PCDHA5: variants seen among roughly 807,000 people sequenced by gnomAD.
PCDHA5 encodes the protein protocadherin alpha-5.
Under a neutral mutation model 61.6 loss-of-function variants are expected in PCDHA5, and 43 were observed. The ratio of observed to expected loss-of-function variants is 0.70; its 90% CI spans 0.55 to 0.90. PCDHA5 has a LOEUF of 0.90. Among genes scored for constraint, PCDHA5 ranks in the 40% least tolerant of loss-of-function variants. The pLI is 0.00. For synonymous variants in PCDHA5, 627 were observed against 543.9 expected (o/e 1.15, Z -2.13); for missense variants, 1,298 against 1,222.7 (o/e 1.06, Z -0.92).
chr5:140,843,875 G>A (rs1044145588), intron 1 of PCDHA5: 18 of 764,320 alleles, frequency 2.4e-5, no homozygotes, highest in Middle Eastern at 3.9e-4. Context: ...TTTCTCAGTG[G>A]CATAATACAG....
intron 1 of PCDHA5, chr5:140,876,084 A>G: frequency 6.2e-7 from 1 of 1,613,962 alleles, no homozygotes; most frequent in Non-Finnish European, 8.5e-7. Context: ...ACAGAGAGCA[A>G]ACGCCAAAAC....
At chr5:140,942,546 TA>T (rs1380022033) in intron 1 of PCDHA5, among the ~76,000 whole-genome samples, 4 of 150,044 alleles carry the variant, frequency 2.7e-5, no homozygotes, top group African/African-American at 9.8e-5. Flanking sequence ...TGGTGGGGGG[TA>T]GGGGGTTGAG....
intron 1 of PCDHA5, chr5:140,828,237 C>A (rs2150152822): frequency 1.2e-6 from 2 of 1,613,956 alleles, no homozygotes; most frequent in Admixed American, 3.3e-5. Context: ...GGCCGGATCG[C>A]GCAGGACCTG....
At chr5:140,943,237 C>T (rs1364015851) in intron 1 of PCDHA5, among the ~76,000 whole-genome samples, 1 of 121,190 alleles carries the variant, frequency 8.3e-6, no homozygotes, top group African/African-American at 3.3e-5. Flanking sequence ...CAGCCTGGGT[C>T]ACAGAGTGAG....
At chr5:140,995,510 G>A (rs1554254709) in intron 3 of PCDHA5, among the ~76,000 whole-genome samples, 1 of 152,142 alleles carries the variant, frequency 6.6e-6, no homozygotes, top group African/African-American at 2.4e-5. Flanking sequence ...GTGGGTAACT[G>A]AAGCCTCAGA....
At chr5:140,845,037 C>T (rs1189014695) in intron 1 of PCDHA5, among the ~76,000 whole-genome samples, 2 of 149,024 alleles carry the variant, frequency 1.3e-5, no homozygotes, top group Non-Finnish European at 3.0e-5. Flanking sequence ...ATATTTTAGC[C>T]CCCTTGTCCA....
chr5:140,925,647 A>AATAATAATC (rs1477954591), intron 1 of PCDHA5, among the ~76,000 whole-genome samples: 5 of 123,794 alleles, frequency 4.0e-5, no homozygotes, highest in Non-Finnish European at 7.0e-5. Flanking sequence ...AAAGTATAAT[A>AATAATAATC]ATAATAATAA....
intron 1 of PCDHA5, chr5:140,847,977 G>A (rs1781271032): frequency 6.4e-6 from 1 of 155,600 alleles, no homozygotes; most frequent in Non-Finnish European, 1.4e-5. Context: ...CGAGCCATAT[G>A]GGAGATTCTG....
chr5:140,932,493 T>C (rs148938081), intron 1 of PCDHA5, among the ~76,000 whole-genome samples: 1 of 151,888 alleles, frequency 6.6e-6, no homozygotes, highest in Non-Finnish European at 1.5e-5. Flanking sequence ...CTTTGCAATG[T>C]CATTTGTTAA....
chr5:140,829,848 G>T, intron 1 of PCDHA5: 1 of 1,613,962 alleles, frequency 6.2e-7, no homozygotes, highest in Non-Finnish European at 8.5e-7. Flanking sequence ...CGGTCACTGG[G>T]TGCAGGCCAA....
In PCDHA5 at chr5:140,862,815, G is replaced by C. The variant is rs781964079; in HGVS notation, c.2352+38688G>C. 7 of 574,804 alleles carry C rather than the reference G, an allele frequency of 1.2e-5. No individual in the cohort carries two copies. The African/African-American group carries it at 1.3e-4, about 11-fold the overall frequency. The allele number at this position is 574,804 out of a possible 1,614,324, so 35.6% of individuals were successfully genotyped here. A position where few individuals can be genotyped will look rare whatever the true frequency, so the allele number is the denominator to read the frequency against. ...AGGAGCTGGAGCTGCTGCAGTTCTA[G>C]GTGAGAGCGCGCGACGCGGGCATGC... is the stretch of plus-strand genomic sequence containing the variant. On this transcript the variant is annotated intron_variant, in intron 1 of 3. Coordinates refer to ENST00000529859, the MANE Select transcript of PCDHA5 (RefSeq NM_018908.3).
At position 140,822,842 on chromosome 5, in the gene PCDHA5, T is replaced by C. The variant is rs1554128917; in HGVS notation, c.1067T>C (p.Leu356Pro). 3 of 1,614,234 alleles carry C rather than the reference T, an allele frequency of 1.9e-6. No individual in the cohort carries two copies. The South Asian group carries it at 3.3e-5, about 18-fold the overall frequency. The change falls in exon 1 of 4, where the codon CTG becomes CCG. Residue 356 changes from leucine to proline, a missense_variant. Coordinates refer to ENST00000529859, the MANE Select transcript of PCDHA5 (RefSeq NM_018908.3). The stretch of plus-strand genomic sequence containing the variant: ...GAGATGGCCATAACCACCCTTTTCC[T>C]GCCTGTCAAAGAGGACGCTCCACTC... Reference protein sequence around the residue: ...TPEMAITTLFLPVKEDAPLST... With the variant: ...TPEMAITTLFPPVKEDAPLST...
intron 1 of PCDHA5, chr5:140,875,846 A>T: frequency 6.2e-7 from 1 of 1,614,176 alleles, no homozygotes. Context: ...GAGGTGAAGG[A>T]CATTAACGAC....
At position 140,856,169 on chromosome 5, in the gene PCDHA5, G is replaced by T. The variant is rs200441286; in HGVS notation, c.2352+32042G>T. ...CTCAGTCTACGAGGAGGCCAGACACGGCACCTTCGTGGGCCGCATCGCGCA... is the reference window on the plus strand; with the variant it reads ...CTCAGTCTACGAGGAGGCCAGACACTGCACCTTCGTGGGCCGCATCGCGCA... On this transcript the variant is annotated intron_variant, in intron 1 of 3. Transcript: ENST00000529859. 11 of 1,598,346 alleles carry T rather than the reference G, an allele frequency of 6.9e-6. 2 individuals are homozygous for T. Among genetic ancestry groups the T allele is most frequent in the Admixed American group, 1.7e-5 (1 of 59,282 alleles).
intron 1 of PCDHA5, among the ~76,000 whole-genome samples, chr5:140,839,198 C>A (rs1030704020): frequency 1.9e-5 from 2 of 106,890 alleles, no homozygotes; most frequent in African/African-American, 9.0e-5. Context: ...CTATAAATAT[C>A]TTTGACCTTC....
chr5:140,999,304 C>G (rs1587831145), intron 3 of PCDHA5, among the ~76,000 whole-genome samples: 2 of 152,190 alleles, frequency 1.3e-5, no homozygotes, highest in East Asian at 3.8e-4. Flanking sequence ...TTCAGAATTT[C>G]TTCATGACAG....
At chr5:140,882,407 C>A (rs368121978) in intron 1 of PCDHA5, 48 of 1,614,006 alleles carry the variant, frequency 3.0e-5, no homozygotes, top group Non-Finnish European at 1.3e-5. Flanking sequence ...CTTCGTGGGC[C>A]GCATCGCTCA....
At chr5:140,973,782 C>CT (rs1461331270) in intron 1 of PCDHA5, among the ~76,000 whole-genome samples, 7 of 152,208 alleles carry the variant, frequency 4.6e-5, no homozygotes, top group African/African-American at 1.7e-4. Flanking sequence ...TATAGGTTGC[C>CT]TATTGGCATG....
intron 1 of PCDHA5, chr5:140,836,797 C>T: frequency 7.4e-7 from 1 of 1,343,980 alleles, no homozygotes; most frequent in Non-Finnish European, 1.0e-6. Context: ...AATTGGTCTC[C>T]TTAAATTTTC....
Sources: allele counts gnomAD v4.1 joint callset (sites outside exome capture counted in the v4.1 genomes callset), GRCh38; gene constraint gnomAD v4.1.1; transcripts MANE v1.5; gene names NCBI Gene and HGNC (gene_info 2026-07-23, HGNC 2026-07-21).